Variants in FBF1 observed in about 807,000 individuals in gnomAD.
The protein encoded by FBF1 is Fas binding factor 1.
Under a neutral mutation model 147.2 loss-of-function variants are expected in FBF1, and 119 were observed. The observed-to-expected ratio is 0.81, with a 90% CI of 0.70 to 0.94. FBF1 has a LOEUF of 0.94. Ranked by LOEUF, FBF1 falls within the 40% of genes least tolerant of loss-of-function variation. FBF1 has a pLI of 0.00. For synonymous variants in FBF1, 601 were observed against 609.0 expected, an observed-to-expected ratio of 0.99 and a Z score of 0.19; for missense variants, 1,449 against 1,500.8, an observed-to-expected ratio of 0.97 and a Z score of 0.57.
Position 75,923,644 on chromosome 17 carries a change from T to G in FBF1, c.969-3A>C. 6.3e-7 allele frequency: 1 copy of G among 1,590,376 alleles called. No homozygotes were observed. Among genetic ancestry groups the G allele is most frequent in the Non-Finnish European group, 8.6e-7 (1 of 1,167,616 alleles). ...CGCCACTGTCTGCGAAGAACCTACTTCAAGACAGAAAGGAGGGTGTCAGGC... is the reference window on the plus strand; with the variant it reads ...CGCCACTGTCTGCGAAGAACCTACTGCAAGACAGAAAGGAGGGTGTCAGGC... On this transcript the variant is annotated splice_region_variant and splice_polypyrimidine_tract_variant and intron_variant, in intron 13 of 29. Coordinates refer to ENST00000636174, the MANE Select transcript of FBF1 (RefSeq NM_001319193.2). This position sits in a 1 kb window ranked among gnomAD's most constrained non-coding sequence, Gnocchi z 4.1.
Position 75,918,309 on chromosome 17 carries a change from G to A in FBF1, c.2139-40C>T. 6.5e-7 allele frequency: 1 copy of A among 1,546,670 alleles called. No homozygotes were observed. The highest frequency in any genetic ancestry group is 8.9e-7 in the Non-Finnish European group (1 of 1,126,728). On this transcript the variant is annotated intron_variant, in intron 20 of 29. Coordinates refer to ENST00000636174, the MANE Select transcript of FBF1 (RefSeq NM_001319193.2). The surrounding 1 kb of genome is among the most constrained non-coding windows in gnomAD (Gnocchi z 5.8). ...GAGGGGAAGGCGGTCACTCTGAGCT[G>A]GATCACCCTGATGCGGTAACTCCTT...
In FBF1 at chr17:75,923,094, T is replaced by C; in HGVS notation, c.1424+92A>G. The C allele has an allele frequency of 7.7e-7, 1 of 1,293,510 alleles. No homozygotes were observed. The allele number at this position is 1,293,510 out of a possible 1,614,324, so 80.1% of individuals were successfully genotyped here. A position where few individuals can be genotyped will look rare whatever the true frequency, so the allele number is the denominator to read the frequency against. ...GCGCCCTGCCTTGTTCCCCAACTGC[T>C]GACTGAGGCTGCAACAGGTGAAGGG... On this transcript the variant is annotated intron_variant, in intron 14 of 29. Coordinates refer to ENST00000636174, the MANE Select transcript of FBF1 (RefSeq NM_001319193.2). The surrounding 1 kb of genome is among the most constrained non-coding windows in gnomAD (Gnocchi z 4.1).
chr17:75,935,365 C>T (rs577197952), intron 4 of FBF1, among the ~76,000 whole-genome samples: 6 of 152,094 alleles, frequency 3.9e-5, no homozygotes, highest in African/African-American at 7.2e-5. Flanking sequence ...GATGGGGTTT[C>T]GCCATGTTGG....
Position 75,919,661 on chromosome 17 carries a change from G to T in FBF1, c.2138+7C>A. On this transcript the variant is annotated splice_region_variant and intron_variant, in intron 20 of 29. Transcript: ENST00000636174. The surrounding 1 kb of genome is among the most constrained non-coding windows in gnomAD (Gnocchi z 5.0). ...CTGCTCCCCAGCTGCCTGTCCCTGG[G>T]CCTCACCGCTGCAGCTCCCGGAGCC... is the stretch of plus-strand genomic sequence containing the variant. 6.3e-7 allele frequency: 1 copy of T among 1,589,350 alleles called. No homozygotes were observed. The highest frequency in any genetic ancestry group is 2.3e-5 in the East Asian group (1 of 43,688).
chr17:75,929,964 C>CCAAAAAAAAA, intron 7 of FBF1, 33 bp downstream of exon 7: 1 of 1,402,202 alleles, frequency 7.1e-7, no homozygotes, highest in Non-Finnish European at 9.9e-7. Flanking sequence ...CACCCACCCC[C>CCAAAAAAAAA]AGTTCTAAGA....
At chr17:75,915,659 T>A (rs1460736943) in intron 23 of FBF1, among the ~76,000 whole-genome samples, 1 of 152,208 alleles carries the variant, frequency 6.6e-6, no homozygotes, top group Non-Finnish European at 1.5e-5. Flanking sequence ...AGGATAGATA[T>A]CAGGTCAGCA....
rs576309695 is a variant in FBF1, at chr17:75,909,920, G to C, written c.*803C>G. 3 of 700,838 alleles carry C rather than the reference G, an allele frequency of 4.3e-6. No individual in the cohort carries two copies. The East Asian group carries it at 8.1e-5, about 19-fold the overall frequency. 43.4% of individuals were successfully genotyped at this position (700,838 alleles called of 1,614,324 possible). A position where few individuals can be genotyped will look rare whatever the true frequency, so the allele number is the denominator to read the frequency against. On this transcript the variant is annotated 3_prime_UTR_variant, in exon 30 of 30. Transcript: ENST00000636174. ...GTGGAGGAGGATCAGAGAAACCTCT[G>C]TAGTTGTGATTGGTTCCTTGTCGCC...
intron 1 of FBF1, among the ~76,000 whole-genome samples, chr17:75,940,353 G>C (rs145901181): frequency 6.6e-6 from 1 of 151,458 alleles, no homozygotes; most frequent in African/African-American, 2.4e-5. Flanking sequence ...CTTGGGCTCA[G>C]GCGATCCTCC....
chr17:75,921,129 G>C, intron 17 of FBF1, 115 bp downstream of exon 17: 1 of 1,085,468 alleles, frequency 9.2e-7, no homozygotes, highest in Non-Finnish European at 1.4e-6. Context: ...GTCACATTTG[G>C]TATGTTTGAC....
intron 5 of FBF1, 91 bp downstream of exon 5, chr17:75,932,904 A>C: frequency 3.0e-5 from 20 of 664,728 alleles, no homozygotes; most frequent in Non-Finnish European, 4.2e-5. Context: ...AAAAATGGCG[A>C]GCAAATGTGA....
At chr17:75,914,421 C>T (rs561822967) in intron 25 of FBF1, 123 bp from the exon 26 acceptor site, 1 of 1,396,646 alleles carries the variant, frequency 7.2e-7, no homozygotes, top group South Asian at 1.4e-5. Flanking sequence ...CAGGGGCTTC[C>T]AGGGAGAGCC....
chr17:75,921,396 C>T, intron 16 of FBF1, 76 bp downstream of exon 16: 2 of 1,551,108 alleles, frequency 1.3e-6, no homozygotes, highest in Non-Finnish European at 1.8e-6. Context: ...GTCCCAGGGA[C>T]CCCAAAGGAA....
chr17:75,921,540 T>C lies in FBF1; in HGVS notation c.1547A>G (p.His516Arg), dbSNP rs1480204075. ...GVSGSPVTQN[H>R]AASALPTGSP... ...ACCTGTAGGGAGTGCTGAGGCGGCA[T>C]GGTTCTGAGTCACAGGGGACCTGAG... The change falls in exon 16 of 30, where the codon CAT becomes CGT. Residue 516 changes from histidine to arginine, a missense_variant. By Grantham distance (29) the His-to-Arg change is conservative. Coordinates refer to ENST00000636174, the MANE Select transcript of FBF1 (RefSeq NM_001319193.2). 1.2e-6 allele frequency: 2 copies of C among 1,609,388 alleles called. No homozygotes were observed. The highest frequency in any genetic ancestry group is 2.7e-5 in the African/African-American group (2 of 74,594).
In FBF1 at chr17:75,921,964, C is replaced by T; in HGVS notation, c.1507G>A (p.Val503Ile). ...SGTTARERPC[V>I]RPGVSGSPVT... ...GCCTACCCCGAGACACCAGGCCTGACACACGGTCTTTCTCGTGCAGTTGTT... is the reference window on the plus strand; with the variant it reads ...GCCTACCCCGAGACACCAGGCCTGATACACGGTCTTTCTCGTGCAGTTGTT... The change falls in exon 15 of 30, where the codon GTC becomes ATC. Residue 503 changes from valine (V) to isoleucine (I), a missense_variant. Coordinates refer to ENST00000636174, the MANE Select transcript of FBF1 (RefSeq NM_001319193.2). 6.4e-7 allele frequency: 1 copy of T among 1,551,376 alleles called. No individual in the cohort carries two copies. Among genetic ancestry groups the T allele is most frequent in the Non-Finnish European group, 8.7e-7 (1 of 1,146,992 alleles).
Position 75,925,572 on chromosome 17 carries a change from GTGAAGGGAGCAC to G in FBF1, c.869-138_869-127del. ...GTAAGACAAGCAGAGGGAAGCTGCT[GTGAAGGGAGCAC>G]CTCAGGCACTGGCCAGGAAGATGCA... On this transcript the variant is annotated intron_variant, in intron 12 of 29. Coordinates refer to ENST00000636174, the MANE Select transcript of FBF1 (RefSeq NM_001319193.2). The surrounding 1 kb of genome is among the most constrained non-coding windows in gnomAD (Gnocchi z 5.0). 1 of 802,924 alleles carries G rather than the reference GTGAAGGGAGCAC, an allele frequency of 1.2e-6. No individual in the cohort carries two copies. The highest frequency in any genetic ancestry group is 2.0e-6 in the Non-Finnish European group (1 of 501,276). 49.7% of individuals were successfully genotyped at this position (802,924 alleles called of 1,614,324 possible).
intron 29 of FBF1, among the ~76,000 whole-genome samples, chr17:75,911,970 AG>A (rs2065459099): frequency 6.6e-6 from 1 of 152,180 alleles, no homozygotes; most frequent in Non-Finnish European, 1.5e-5. Context: ...TTATTGCTAT[AG>A]GTTATCATGA....
Position 75,926,057 on chromosome 17 carries a change from G to C in FBF1, c.841C>G (p.Leu281Val), listed in dbSNP as rs376674979. 1.2e-6 allele frequency: 2 copies of C among 1,612,236 alleles called. No homozygotes were observed. Among genetic ancestry groups the C allele is most frequent in the South Asian group, 2.2e-5 (2 of 90,988 alleles). ...PGTGEHREFK[L>V]DKKYQRPQDS... ...TGTGGCCTCTGGTACTTCTTGTCTAGCTTGAACTCCCTGTGCTCCCCGGTG... is the reference window on the plus strand; with the variant it reads ...TGTGGCCTCTGGTACTTCTTGTCTACCTTGAACTCCCTGTGCTCCCCGGTG... The change falls in exon 12 of 30, where the codon CTA (leucine) becomes GTA (valine). Residue 281 changes from leucine to valine, a missense_variant. Transcript: ENST00000636174.
chr17:75,930,391 C>T (rs1242373729), intron 6 of FBF1, among the ~76,000 whole-genome samples: 4 of 152,210 alleles, frequency 2.6e-5, no homozygotes, highest in African/African-American at 9.6e-5. Context: ...ACATCTAAGA[C>T]TCTAGCAGTT....
In FBF1 at chr17:75,913,907, C is replaced by T; in HGVS notation, c.3129+6G>A. 6.5e-7 allele frequency: 1 copy of T among 1,547,076 alleles called. No individual in the cohort carries two copies. Among genetic ancestry groups the T allele is most frequent in the East Asian group, 2.4e-5 (1 of 41,370 alleles). ...GCAGGGGCGCCATACACTCAGGGAGCCTTGCCTGGTGCATGTGCTGCTCCT... is the reference window on the plus strand; with the variant it reads ...GCAGGGGCGCCATACACTCAGGGAGTCTTGCCTGGTGCATGTGCTGCTCCT... On this transcript the variant is annotated splice_donor_region_variant and intron_variant, in intron 27 of 29. Coordinates refer to ENST00000636174, the MANE Select transcript of FBF1 (RefSeq NM_001319193.2).
Sources: gnomAD v4.1 joint callset for allele counts (sites outside exome capture counted in the v4.1 genomes callset) on GRCh38, gnomAD v4.1.1 for gene constraint, Gnocchi (gnomAD v3.1) non-coding constraint, MANE v1.5 for transcripts, NCBI Gene and HGNC (gene_info 2026-07-23, HGNC 2026-07-21) for gene names.